HECW1: variants seen among roughly 807,000 people sequenced by gnomAD.
The protein encoded by HECW1 is HECT, C2 and WW domain containing E3 ubiquitin protein ligase 1, also known as E3 ubiquitin-protein ligase HECW1.
HECW1 carries 61 observed loss-of-function variants against 182.3 expected under a neutral mutation model. The ratio of observed to expected loss-of-function variants is 0.33; its 90% confidence interval spans 0.27 to 0.41. The LOEUF (loss-of-function observed/expected upper bound fraction) is 0.41. HECW1 is among the 10% of genes least tolerant of loss of function. HECW1 has a pLI of 1.00. For missense variants in HECW1, 1,739 were observed against 2,108.9 expected, an observed-to-expected ratio of 0.82 and a Z score of 3.44; for synonymous variants, 859 against 832.6, an observed-to-expected ratio of 1.03 and a Z score of -0.55.
At chr7:43,303,930 G>C (rs1203806062) in intron 3 of HECW1, among the ~76,000 whole-genome samples, 1 of 152,190 alleles carries the variant, frequency 6.6e-6, no homozygotes, top group African/African-American at 2.4e-5. Context: ...GTGAGAGGGA[G>C]AGGAGGACCC....
At chr7:43,347,734 T>C (rs1010985423) in intron 5 of HECW1, among the ~76,000 whole-genome samples, 3 of 152,092 alleles carry the variant, frequency 2.0e-5, no homozygotes, top group Non-Finnish European at 4.4e-5. Context: ...TAATCATAAA[T>C]GTTGGATTTT....
intron 2 of HECW1, among the ~76,000 whole-genome samples, chr7:43,117,727 G>A (rs1583562912): frequency 1.3e-5 from 2 of 152,274 alleles, no homozygotes; most frequent in Non-Finnish European, 2.9e-5. Context: ...ACAGTGTTTG[G>A]ATGTGTGGGT....
At chr7:43,297,004 C>G (rs1330728209) in intron 3 of HECW1, among the ~76,000 whole-genome samples, 2 of 152,224 alleles carry the variant, frequency 1.3e-5, no homozygotes, top group African/African-American at 4.8e-5. Flanking sequence ...TGGTCAGAAC[C>G]AGGCTGAGCT....
chr7:43,445,528 G>C lies in HECW1; in HGVS notation c.2356G>C (p.Gly786Arg). Residue 786 changes from glycine (G) to arginine (R), a missense_variant, in exon 11 of 30, where the codon GGT (glycine) becomes CGT (arginine). Gly to Arg is a moderately radical substitution (Grantham distance 125). Transcript: ENST00000395891. ...CGGGCACGTGGAAAGAAGCCCGGAA[G>C]GTCTGGAATCCCCCGTGGCAGGTCC... Reference protein sequence around the residue: ...PSGHVERSPEGLESPVAGPSN... With the variant: ...PSGHVERSPERLESPVAGPSN... 1 of 1,607,138 alleles carries C rather than the reference G, an allele frequency of 6.2e-7. No homozygotes were observed. The highest frequency in any genetic ancestry group is 1.1e-5 in the South Asian group (1 of 90,838).
chr7:43,137,558 T>TTATTTATA (rs1554290490), intron 2 of HECW1, among the ~76,000 whole-genome samples: 1 of 151,488 alleles, frequency 6.6e-6, no homozygotes, highest in Non-Finnish European at 1.5e-5. Context: ...ATTTATTTAT[T>TTATTTATA]TATTTATTTG....
intron 24 of HECW1, among the ~76,000 whole-genome samples, chr7:43,534,188 C>T (rs559285888): frequency 6.6e-6 from 1 of 152,256 alleles, no homozygotes; most frequent in South Asian, 2.1e-4. Context: ...TCCAAAATGT[C>T]CTTCCAGAGT....
intron 2 of HECW1, chr7:43,239,977 T>C (rs1199477573): frequency 6.6e-6 from 1 of 152,256 alleles, no homozygotes; most frequent in Non-Finnish European, 1.5e-5. Flanking sequence ...ATATTGTTTG[T>C]CGTCCGTATG....
chr7:43,407,858 CT>C, intron 8 of HECW1, 127 bp downstream of exon 8: 1 of 825,422 alleles, frequency 1.2e-6, no homozygotes, highest in Non-Finnish European at 1.9e-6. Context: ...CTGTCATGGT[CT>C]TAGAAGGGAG....
intron 20 of HECW1, among the ~76,000 whole-genome samples, 186 bp downstream of exon 20, chr7:43,500,968 G>A (rs2079328090): frequency 6.6e-6 from 1 of 152,148 alleles, no homozygotes; most frequent in African/African-American, 2.4e-5. Context: ...ATTTGCAATT[G>A]AGCTAGCAAG....
chr7:43,130,925 T>C lies in HECW1; in HGVS notation c.-32+16534T>C, dbSNP rs530308165. 2.0e-3 allele frequency among the ~76,000 whole-genome samples: 303 copies of C among 152,378 alleles called. 2 individuals are homozygous for C. The highest frequency in any genetic ancestry group is 6.9e-3 in the African/African-American group (289 of 41,590). On this transcript the variant is annotated intron_variant, in intron 2 of 29. Coordinates refer to ENST00000395891, the MANE Select transcript of HECW1 (RefSeq NM_015052.5). ...ACTTTGTGTATATGTATGTATCTAT[T>C]ATGCATTGATTCTTTAGTGTGGCAC...
At chr7:43,259,940 T>C (rs1800994219) in intron 3 of HECW1, among the ~76,000 whole-genome samples, 1 of 151,942 alleles carries the variant, frequency 6.6e-6, no homozygotes, top group Non-Finnish European at 1.5e-5. Flanking sequence ...AATGAGAAAA[T>C]ATCAATCTAT....
chr7:43,354,333 C>T (rs1262137604), intron 5 of HECW1, among the ~76,000 whole-genome samples: 1 of 151,904 alleles, frequency 6.6e-6, no homozygotes, highest in Non-Finnish European at 1.5e-5. Context: ...AGTGATTGAC[C>T]CCAATGAGAC....
chr7:43,120,067 C>T (rs1456426972), intron 2 of HECW1, among the ~76,000 whole-genome samples: 2 of 152,198 alleles, frequency 1.3e-5, no homozygotes, highest in African/African-American at 4.8e-5. Context: ...GATCACAGTG[C>T]AAAACAGTCA....
At chr7:43,275,529 G>A (rs1394785312) in intron 3 of HECW1, among the ~76,000 whole-genome samples, 1 of 152,182 alleles carries the variant, frequency 6.6e-6, no homozygotes, top group African/African-American at 2.4e-5. Context: ...CATAAAAACT[G>A]TGAATATGGA....
Position 43,564,532 on chromosome 7 carries a change from T to C in HECW1, c.*2606T>C, listed in dbSNP as rs1368375171. On this transcript the variant is annotated 3_prime_UTR_variant, in exon 30 of 30. Coordinates refer to ENST00000395891, the MANE Select transcript of HECW1 (RefSeq NM_015052.5). ...GTACTACTGATGTCACAGCTATAGA[T>C]CTATCCCACAAAGCATAACAGGAAC... 1.1e-5 allele frequency: 2 copies of C among 189,218 alleles called. No homozygotes were observed. The highest frequency in any genetic ancestry group is 1.2e-4 in the Admixed American group (2 of 16,230). The allele number at this position is 189,218 out of a possible 1,614,324, so 11.7% of individuals were successfully genotyped here.
At chr7:43,140,448 G>A (rs1237378119) in intron 2 of HECW1, among the ~76,000 whole-genome samples, 1 of 152,048 alleles carries the variant, frequency 6.6e-6, no homozygotes, top group African/African-American at 2.4e-5. Flanking sequence ...ATTGGTTAAG[G>A]GTATATCTAA....
intron 2 of HECW1, among the ~76,000 whole-genome samples, chr7:43,165,604 C>T (rs1424751068): frequency 1.3e-5 from 2 of 152,170 alleles, no homozygotes; most frequent in Admixed American, 1.3e-4. Context: ...CACAACTCTC[C>T]TATGCAGAGT....
At chr7:43,463,553 C>A in intron 13 of HECW1, 107 bp from the exon 14 acceptor site, 1 of 1,023,036 alleles carries the variant, frequency 9.8e-7, no homozygotes, top group Non-Finnish European at 1.4e-6. Context: ...TCTTTCCTGA[C>A]ATTCAAGACA....
At chr7:43,380,720 G>C (rs1176046332) in intron 6 of HECW1, among the ~76,000 whole-genome samples, 4 of 151,708 alleles carry the variant, frequency 2.6e-5, no homozygotes, top group Non-Finnish European at 4.4e-5. Flanking sequence ...GTAGAGACAG[G>C]GTTTCACCAT....
Sources: allele counts gnomAD v4.1 joint callset (sites outside exome capture counted in the v4.1 genomes callset), GRCh38; gene constraint gnomAD v4.1.1; transcripts MANE v1.5; gene names NCBI Gene and HGNC (gene_info 2026-07-23, HGNC 2026-07-21).